GRIN3A: variants seen among roughly 807,000 people sequenced by gnomAD.
GRIN3A encodes glutamate ionotropic receptor NMDA type subunit 3A.
A neutral mutation model predicts 92.4 loss-of-function variants in GRIN3A; 47 were observed. The observed-to-expected ratio is 0.51, with a 90% CI of 0.40 to 0.65. The LOEUF (loss-of-function observed/expected upper bound fraction) is 0.65. GRIN3A is among the 30% of genes least tolerant of loss of function. GRIN3A has a pLI of 0.00. For synonymous variants in GRIN3A, 527 were observed against 540.6 expected (o/e 0.97, Z 0.35); for missense variants, 1,324 against 1,393.1 (o/e 0.95, Z 0.79).
At chr9:101,687,650 G>A (rs1829557120) in intron 1 of GRIN3A, among the ~76,000 whole-genome samples, 1 of 152,146 alleles carries the variant, frequency 6.6e-6, no homozygotes, top group Non-Finnish European at 1.5e-5. Flanking sequence ...GCAAAATGCA[G>A]GTATTTTTAT....
intron 3 of GRIN3A, among the ~76,000 whole-genome samples, chr9:101,632,376 C>A (rs1458575537): frequency 6.6e-6 from 1 of 152,146 alleles, no homozygotes; most frequent in African/African-American, 2.4e-5. Context: ...TGATCTCATT[C>A]ATGTGGTTGT....
intron 6 of GRIN3A, chr9:101,594,445 G>A (rs1452369506): frequency 2.5e-6 from 4 of 1,612,324 alleles, no homozygotes; most frequent in South Asian, 2.2e-5. Context: ...GGATCTCCAG[G>A]TCTCTGACCA....
At chr9:101,717,743 C>T (rs1255267823) in intron 1 of GRIN3A, among the ~76,000 whole-genome samples, 1 of 151,944 alleles carries the variant, frequency 6.6e-6, no homozygotes, top group Non-Finnish European at 1.5e-5. Context: ...GAGAAATTCG[C>T]AGAAGAGGTG....
intron 3 of GRIN3A, among the ~76,000 whole-genome samples, chr9:101,655,591 A>C (rs1480508174): frequency 6.6e-6 from 1 of 151,942 alleles, no homozygotes; most frequent in Non-Finnish European, 1.5e-5. Flanking sequence ...ACATTGTCCC[A>C]AAAATTATGA....
At chr9:101,701,717 A>G (rs1829757439) in intron 1 of GRIN3A, among the ~76,000 whole-genome samples, 1 of 152,248 alleles carries the variant, frequency 6.6e-6, no homozygotes, top group Non-Finnish European at 1.5e-5. Flanking sequence ...ATTAAGCCAA[A>G]GAGCTTCTGC....
At chr9:101,675,580 T>A (rs1174503624) in intron 2 of GRIN3A, among the ~76,000 whole-genome samples, 1 of 151,926 alleles carries the variant, frequency 6.6e-6, no homozygotes, top group Admixed American at 6.6e-5. Flanking sequence ...CTATGCAGCT[T>A]ATATTCTATT....
At chr9:101,628,815 C>T (rs1426000628) in intron 3 of GRIN3A, among the ~76,000 whole-genome samples, 1 of 151,426 alleles carries the variant, frequency 6.6e-6, no homozygotes, top group African/African-American at 2.5e-5. Flanking sequence ...CCTGAGATTA[C>T]AATAAACCTG....
chr9:101,579,965 GTTTTC>G (rs1307766481), intron 6 of GRIN3A, among the ~76,000 whole-genome samples: 2 of 152,088 alleles, frequency 1.3e-5, no homozygotes, highest in African/African-American at 4.8e-5. Flanking sequence ...CATAGTGAGG[GTTTTC>G]ATGTCCTCTG....
intron 3 of GRIN3A, among the ~76,000 whole-genome samples, chr9:101,642,754 A>C (rs1828882925): frequency 6.6e-6 from 1 of 152,110 alleles, no homozygotes; most frequent in African/African-American, 2.4e-5. Context: ...GCAGCATTAG[A>C]TTCTTAGGAG....
At chr9:101,585,631 A>G (rs1827940246) in intron 6 of GRIN3A, among the ~76,000 whole-genome samples, 1 of 152,118 alleles carries the variant, frequency 6.6e-6, no homozygotes, top group South Asian at 2.1e-4. Context: ...GCATCCCATT[A>G]CCCTGTGTAT....
rs150512684 is a variant in GRIN3A, at chr9:101,720,660, T to G, written c.699+16621A>C. Among the ~76,000 whole-genome samples the G allele has an allele frequency of 3.1e-3, 479 of 152,352 alleles. 1 individual carries two copies. Among genetic ancestry groups the G allele is most frequent in the African/African-American group, 0.011 (453 of 41,578 alleles). Reference sequence around the variant, plus strand: ...AAATCAATTTTGAATTAGAGCATAATTCATCTGCAAATTGTGACAACTTGG... The same window carrying G: ...AAATCAATTTTGAATTAGAGCATAAGTCATCTGCAAATTGTGACAACTTGG... On this transcript the variant is annotated intron_variant, in intron 1 of 8. Transcript: ENST00000361820.
intron 3 of GRIN3A, among the ~76,000 whole-genome samples, chr9:101,659,359 G>A (rs10989584): frequency 0.19 from 28,283 of 148,584 alleles, 3,096 homozygotes; most frequent in Non-Finnish European, 0.24. Flanking sequence ...TAGAAAGTAT[G>A]TATCTATGTA....
At position 101,570,533 on chromosome 9, in the gene GRIN3A, GT is replaced by G; in HGVS notation, c.*2640del. 6.5e-6 allele frequency: 1 copy of G among 152,770 alleles called. No individual in the cohort carries two copies. The highest frequency in any genetic ancestry group is 2.1e-4 in the South Asian group (1 of 4,824). The allele number at this position is 152,770 out of a possible 1,614,324, so 9.5% of individuals were successfully genotyped here. A position where few individuals can be genotyped will look rare whatever the true frequency, so the allele number is the denominator to read the frequency against. On this transcript the variant is annotated 3_prime_UTR_variant, in exon 9 of 9. Coordinates refer to ENST00000361820, the MANE Select transcript of GRIN3A (RefSeq NM_133445.3). ...CTTCGTTTCACCACAAGCAATTATGGTTTTTCTTTATTCAGAACATAGAGGC... is the reference window on the plus strand; with the variant it reads ...CTTCGTTTCACCACAAGCAATTATGGTTTTCTTTATTCAGAACATAGAGGC...
chr9:101,588,288 T>A (rs1827974054), intron 6 of GRIN3A, among the ~76,000 whole-genome samples: 1 of 152,164 alleles, frequency 6.6e-6, no homozygotes, highest in African/African-American at 2.4e-5. Flanking sequence ...GAAGAGGAGA[T>A]AATTTATTAA....
At chr9:101,698,102 G>A (rs1488014414) in intron 1 of GRIN3A, among the ~76,000 whole-genome samples, 1 of 152,074 alleles carries the variant, frequency 6.6e-6, no homozygotes, top group East Asian at 1.9e-4. Flanking sequence ...GTCTTATGAG[G>A]ACAGAAACAT....
intron 4 of GRIN3A, among the ~76,000 whole-genome samples, chr9:101,626,706 A>G (rs1267694251): frequency 6.6e-6 from 1 of 152,250 alleles, no homozygotes; most frequent in Non-Finnish European, 1.5e-5. Context: ...TAACTGCAAC[A>G]TAGATGTTGC....
At chr9:101,699,165 A>T (rs980045407) in intron 1 of GRIN3A, among the ~76,000 whole-genome samples, 2 of 152,126 alleles carry the variant, frequency 1.3e-5, no homozygotes, top group African/African-American at 2.4e-5. Flanking sequence ...TTTATTTTTT[A>T]AAACTTTTTG....
chr9:101,616,484 C>T (rs1223637751), intron 5 of GRIN3A, among the ~76,000 whole-genome samples: 3 of 151,996 alleles, frequency 2.0e-5, no homozygotes, highest in African/African-American at 4.8e-5. Context: ...ATGCTTTTGA[C>T]GTTGTCATCA....
chr9:101,703,360 T>G (rs1048541592), intron 1 of GRIN3A, among the ~76,000 whole-genome samples: 1 of 152,206 alleles, frequency 6.6e-6, no homozygotes, highest in Admixed American at 6.5e-5. Context: ...TCTAGATCAC[T>G]ATGCGGCTGA....
Sources: gnomAD v4.1 joint callset for allele counts (sites outside exome capture counted in the v4.1 genomes callset) on GRCh38, gnomAD v4.1.1 for gene constraint, MANE v1.5 for transcripts, NCBI Gene and HGNC (gene_info 2026-07-23, HGNC 2026-07-21) for gene names.